Variants in VWA3B observed in about 807,000 individuals in gnomAD.
The protein encoded by VWA3B is von Willebrand factor A domain-containing protein 3B.
A neutral mutation model predicts 158.3 loss-of-function variants in VWA3B; 138 were observed. The observed-to-expected ratio is 0.87, with a 90% CI of 0.76 to 1.00. The LOEUF (loss-of-function observed/expected upper bound fraction) is 1.00, where lower values mean the gene tolerates loss of function less well. VWA3B is among the 50% of genes least tolerant of loss of function. The pLI is 0.00. For synonymous variants in VWA3B, 596 were observed against 587.3 expected (o/e 1.01, Z -0.21); for missense variants, 1,555 against 1,565.1 (o/e 0.99, Z 0.11).
chr2:98,242,398 C>T lies in VWA3B; in HGVS notation c.2673+5668C>T, dbSNP rs999223938. The T allele has an allele frequency of 6.3e-5, 28 of 446,616 alleles. No individual in the cohort carries two copies. The Middle Eastern group carries it at 3.3e-3, about 53-fold the overall frequency. The allele number at this position is 446,616 out of a possible 1,614,324, so 27.7% of individuals were successfully genotyped here. ...TCTTTCAAAAAGATTAACTCTTCCC[C>T]AAGTCATATACACAATAAAACTGAT... On this transcript the variant is annotated intron_variant, in intron 19 of 27. Coordinates refer to ENST00000477737, the MANE Select transcript of VWA3B (RefSeq NM_144992.5).
intron 2 of VWA3B, among the ~76,000 whole-genome samples, chr2:98,105,282 T>G (rs956082757): frequency 6.6e-6 from 1 of 152,214 alleles, no homozygotes; most frequent in Non-Finnish European, 1.5e-5. Context: ...ACATCCATAC[T>G]TATATATTCT....
chr2:98,265,170 T>A (rs1405203242), intron 21 of VWA3B, among the ~76,000 whole-genome samples: 2 of 151,078 alleles, frequency 1.3e-5, no homozygotes, highest in Admixed American at 1.3e-4. Context: ...ATTAGGTGTA[T>A]CTCCCAATGC....
At chr2:98,257,328 A>G (rs1687221458) in intron 21 of VWA3B, among the ~76,000 whole-genome samples, 1 of 152,074 alleles carries the variant, frequency 6.6e-6, no homozygotes. Context: ...GCTGAATAGT[A>G]TTCCATTGTG....
the VWA3B span, among the ~76,000 whole-genome samples, chr2:98,320,863 A>G: frequency 6.6e-6 from 1 of 152,234 alleles, no homozygotes; most frequent in African/African-American, 2.4e-5. Flanking sequence ...AGAAATATGC[A>G]TAAGTAATGA....
intron 6 of VWA3B, among the ~76,000 whole-genome samples, chr2:98,129,519 T>A (rs1439480255): frequency 6.6e-6 from 1 of 152,186 alleles, no homozygotes; most frequent in Non-Finnish European, 1.5e-5. Flanking sequence ...GAATTAGGGC[T>A]TCAACATAGG....
intron 12 of VWA3B, among the ~76,000 whole-genome samples, chr2:98,196,306 A>G (rs553215905): frequency 2.4e-4 from 37 of 152,220 alleles, no homozygotes; most frequent in Non-Finnish European, 4.6e-4. Context: ...CAGGTGACAG[A>G]TTTGTTAATT....
intron 2 of VWA3B, among the ~76,000 whole-genome samples, chr2:98,106,545 CAT>C (rs1230046417): frequency 6.6e-6 from 1 of 152,050 alleles, no homozygotes; most frequent in African/African-American, 2.4e-5. Flanking sequence ...CATTTATTTA[CAT>C]ATTATTTGAT....
intron 7 of VWA3B, among the ~76,000 whole-genome samples, chr2:98,147,875 T>G (rs545817365): frequency 4.1e-5 from 3 of 73,934 alleles, no homozygotes; most frequent in African/African-American, 5.6e-5. Context: ...GACAGGCCCC[T>G]GTGTGTGATG....
chr2:98,130,093 A>G (rs1371152541), intron 6 of VWA3B, among the ~76,000 whole-genome samples: 2 of 152,130 alleles, frequency 1.3e-5, no homozygotes, highest in Non-Finnish European at 2.9e-5. Context: ...GGATAATAGG[A>G]TAATAGTGGA....
At chr2:98,108,676 T>A (rs1222327021) in intron 2 of VWA3B, among the ~76,000 whole-genome samples, 2 of 152,134 alleles carry the variant, frequency 1.3e-5, no homozygotes, top group East Asian at 1.9e-4. Flanking sequence ...TTCCTTTTTT[T>A]AAATATTTGC....
chr2:98,275,615 C>T (rs998341646), intron 22 of VWA3B, among the ~76,000 whole-genome samples: 5 of 152,246 alleles, frequency 3.3e-5, no homozygotes, highest in African/African-American at 1.2e-4. Context: ...GGTTGTGAGA[C>T]CACGTACTTC....
intron 22 of VWA3B, among the ~76,000 whole-genome samples, chr2:98,282,685 C>T (rs546746569): frequency 3.3e-5 from 5 of 152,022 alleles, no homozygotes; most frequent in Admixed American, 6.6e-5. Flanking sequence ...GGGATTCACC[C>T]GCCTCAGCCA....
At chr2:98,247,506 T>G (rs574373097) in intron 19 of VWA3B, among the ~76,000 whole-genome samples, 22 of 152,178 alleles carry the variant, frequency 1.4e-4, no homozygotes, top group Non-Finnish European at 3.1e-4. Context: ...CAGTTTCAGC[T>G]GTATATCTCT....
At chr2:98,299,463 C>T (rs768148712) in intron 24 of VWA3B, among the ~76,000 whole-genome samples, 8 of 152,170 alleles carry the variant, frequency 5.3e-5, no homozygotes, top group Admixed American at 1.3e-4. Flanking sequence ...CAGTGTGAGC[C>T]GGGAGGAGAA....
At chr2:98,094,888 A>G (rs1285733663) in intron 2 of VWA3B, among the ~76,000 whole-genome samples, 1 of 152,084 alleles carries the variant, frequency 6.6e-6, no homozygotes, top group Non-Finnish European at 1.5e-5. Flanking sequence ...TCCTTTCCCC[A>G]TTGTGTGTTC....
At chr2:98,144,546 C>T (rs1243315743) in intron 7 of VWA3B, among the ~76,000 whole-genome samples, 2 of 149,858 alleles carry the variant, frequency 1.3e-5, no homozygotes, top group African/African-American at 2.5e-5. Context: ...ATAATGGTGC[C>T]CATAGGGTTT....
chr2:98,096,402 G>A (rs774891036), intron 2 of VWA3B, among the ~76,000 whole-genome samples: 3 of 152,114 alleles, frequency 2.0e-5, no homozygotes, highest in Non-Finnish European at 2.9e-5. Context: ...CCAAGTAGCT[G>A]GGATTACAGG....
At chr2:98,211,769 G>A (rs557754664) in intron 12 of VWA3B, among the ~76,000 whole-genome samples, 161 bp from the exon 13 acceptor site, 2 of 152,192 alleles carry the variant, frequency 1.3e-5, no homozygotes, top group South Asian at 2.1e-4. Flanking sequence ...CCTGCGATAT[G>A]TTTCTTGGAA....
chr2:98,238,545 A>T (rs149966875), intron 19 of VWA3B, among the ~76,000 whole-genome samples: 147 of 152,314 alleles, frequency 9.7e-4, no homozygotes, highest in African/African-American at 3.5e-3. Context: ...TAAATGTCCC[A>T]ACAACTTGAG....
Sources: allele counts gnomAD v4.1 joint callset (sites outside exome capture counted in the v4.1 genomes callset), GRCh38; gene constraint gnomAD v4.1.1; transcripts MANE v1.5; gene names NCBI Gene and HGNC (gene_info 2026-07-23, HGNC 2026-07-21).